The following KIAA0930 variants were observed in gnomAD, a reference collection of about 807,000 sequenced individuals.
KIAA0930 encodes the protein uncharacterized protein KIAA0930.
In KIAA0930, 24 loss-of-function variants were observed where a neutral mutation model predicts 43.9. The observed-to-expected ratio is 0.55, with a 90% CI of 0.40 to 0.77. The LOEUF (loss-of-function observed/expected upper bound fraction) is 0.77, where lower values mean the gene tolerates loss of function less well. KIAA0930 is among the 30% of genes least tolerant of loss of function. KIAA0930 has a pLI of 0.00. For missense variants in KIAA0930, 461 were observed against 574.2 expected (o/e 0.80, Z 2.02); for synonymous variants, 259 against 216.4 (o/e 1.20, Z -1.73).
Position 45,206,565 on chromosome 22 carries a change from T to C in KIAA0930, c.217-653A>G, listed in dbSNP as rs190078471. The stretch of plus-strand genomic sequence containing the variant: ...ACATTTTACAAATTATTAATCCTTT[T>C]AAAGCAACCCTGCAATGCAGGTATC... On this transcript the variant is annotated intron_variant, in intron 2 of 9. Coordinates refer to ENST00000336156, the MANE Select transcript of KIAA0930 (RefSeq NM_001009880.2). 4.6e-5 allele frequency among the ~76,000 whole-genome samples: 7 copies of C among 152,324 alleles called. No individual in the cohort carries two copies. In the East Asian group the frequency reaches 1.3e-3, roughly 29 times the overall value.
At chr22:45,240,093 T>C (rs569699594) in intron 1 of KIAA0930, among the ~76,000 whole-genome samples, 4 of 151,092 alleles carry the variant, frequency 2.6e-5, no homozygotes, top group South Asian at 4.2e-4. Context: ...CGGGGGGCCA[T>C]TGCCCAACAG....
chr22:45,194,103 T>C lies in KIAA0930; in HGVS notation c.*3073A>G, dbSNP rs1403876343. ...TTTTTTTTTTTTTTGAGACAGAGTTTCGCTCTCGTTGCCCAGGCTAGAATG... is the reference window on the plus strand; with the variant it reads ...TTTTTTTTTTTTTTGAGACAGAGTTCCGCTCTCGTTGCCCAGGCTAGAATG... On this transcript the variant is annotated 3_prime_UTR_variant, in exon 10 of 10. Coordinates refer to ENST00000336156, the MANE Select transcript of KIAA0930 (RefSeq NM_001009880.2). 1 of 131,450 alleles carries C rather than the reference T, an allele frequency of 7.6e-6. No homozygotes were observed. Among genetic ancestry groups the C allele is most frequent in the Non-Finnish European group, 1.6e-5 (1 of 63,676 alleles). 8.1% of individuals were successfully genotyped at this position (131,450 alleles called of 1,614,324 possible).
intron 8 of KIAA0930, among the ~76,000 whole-genome samples, chr22:45,199,243 C>CGAG (rs1367173673): frequency 2.0e-5 from 3 of 152,172 alleles, no homozygotes; most frequent in Non-Finnish European, 4.4e-5. Context: ...GGTCACTGAG[C>CGAG]GAGGACAGGG....
In KIAA0930 at chr22:45,205,332, G is replaced by T. The variant is rs1222895186; in HGVS notation, c.415-14C>A. On this transcript the variant is annotated splice_polypyrimidine_tract_variant and intron_variant, in intron 4 of 9. Transcript: ENST00000336156. ...CGCGAACACTTGCTGGAAGAAAGCAGATTTGGAGGACAAGTGAGGCCCCAC... is the reference window on the plus strand; with the variant it reads ...CGCGAACACTTGCTGGAAGAAAGCATATTTGGAGGACAAGTGAGGCCCCAC... 3.7e-6 allele frequency: 6 copies of T among 1,609,652 alleles called. No individual in the cohort carries two copies. The highest frequency in any genetic ancestry group is 5.1e-6 in the Non-Finnish European group (6 of 1,175,996).
At chr22:45,203,805 C>CG (rs1569073379) in intron 6 of KIAA0930, 40 bp downstream of exon 6, 1 of 1,603,458 alleles carries the variant, frequency 6.2e-7, no homozygotes, top group Non-Finnish European at 8.5e-7. Flanking sequence ...CCGCCGTCCC[C>CG]GGGCCCAGAA....
Position 45,218,333 on chromosome 22 carries a change from A to ATTTTTTTTTT in KIAA0930, c.65-6236_65-6227dup, listed in dbSNP as rs752298111. On this transcript the variant is annotated intron_variant, in intron 1 of 9. Coordinates refer to ENST00000336156, the MANE Select transcript of KIAA0930 (RefSeq NM_001009880.2). ...CCATCACACCCAGCTAATTTTTTTG[A>ATTTTTTTTTT]TTTTTTTTTTTTTTTTTTTTTTTTT... 9.1e-4 allele frequency among the ~76,000 whole-genome samples: 47 copies of ATTTTTTTTTT among 51,704 alleles called. 1 individual carries two copies. Among genetic ancestry groups the ATTTTTTTTTT allele is most frequent in the Non-Finnish European group, 1.2e-3 (36 of 30,138 alleles). 33.9% of individuals were successfully genotyped at this position (51,704 alleles called of 152,430 possible).
At chr22:45,199,039 C>T (rs904300681) in intron 8 of KIAA0930, among the ~76,000 whole-genome samples, 5 of 152,302 alleles carry the variant, frequency 3.3e-5, no homozygotes, top group African/African-American at 7.2e-5. Flanking sequence ...GAGGAAGGCA[C>T]GTGGTCCATG....
At position 45,197,234 on chromosome 22, in the gene KIAA0930, G is replaced by A. The variant is rs369151302; in HGVS notation, c.1175-18C>T. 6 of 1,549,146 alleles carry A rather than the reference G, an allele frequency of 3.9e-6. No individual in the cohort carries two copies. The highest frequency in any genetic ancestry group is 3.6e-5 in the South Asian group (3 of 83,694). On this transcript the variant is annotated intron_variant, in intron 9 of 9. Coordinates refer to ENST00000336156, the MANE Select transcript of KIAA0930 (RefSeq NM_001009880.2). ...CAGGATGTCTAGGGCCGGCAGGAGG[G>A]AAGCAGGTGAAACAGTAACCCTCAA...
At chr22:45,233,858 C>T (rs2147767443) in intron 1 of KIAA0930, among the ~76,000 whole-genome samples, 1 of 152,328 alleles carries the variant, frequency 6.6e-6, no homozygotes, top group East Asian at 1.9e-4. Flanking sequence ...GTATTGTTTA[C>T]AAGTCCCGCT....
At position 45,192,379 on chromosome 22, in the gene KIAA0930, A is replaced by G. The variant is rs1277332133; in HGVS notation, c.*4797T>C. 6.6e-6 allele frequency: 1 copy of G among 152,260 alleles called. No individual in the cohort carries two copies. The highest frequency in any genetic ancestry group is 1.5e-5 in the Non-Finnish European group (1 of 68,054). The allele number at this position is 152,260 out of a possible 1,614,324, so 9.4% of individuals were successfully genotyped here. ...CCACTGGATGTGGAAGAGGGTTAATAAAGACGCTGTTGGTAACGCGTACAG... is the reference window on the plus strand; with the variant it reads ...CCACTGGATGTGGAAGAGGGTTAATGAAGACGCTGTTGGTAACGCGTACAG... On this transcript the variant is annotated 3_prime_UTR_variant, in exon 10 of 10. Coordinates refer to ENST00000336156, the MANE Select transcript of KIAA0930 (RefSeq NM_001009880.2).
rs2083532064 is a variant in KIAA0930 at position 45,195,928 on chromosome 22, G to C, written c.*1248C>G. 6.6e-6 allele frequency: 1 copy of C among 152,296 alleles called. No individual in the cohort carries two copies. The highest frequency in any genetic ancestry group is 2.1e-4 in the South Asian group (1 of 4,828). 9.4% of individuals were successfully genotyped at this position (152,296 alleles called of 1,614,324 possible). A position where few individuals can be genotyped will look rare whatever the true frequency, so the allele number is the denominator to read the frequency against. On this transcript the variant is annotated 3_prime_UTR_variant, in exon 10 of 10. Transcript: ENST00000336156. The stretch of plus-strand genomic sequence containing the variant: ...GAGCCCAAAGAATAAACAGATGGGA[G>C]AACAAGACCCTCCTCTTCCTTTTCC...
rs1179123635 is a variant in KIAA0930, at chr22:45,194,346, A to G, written c.*2830T>C. The G allele has an allele frequency of 6.6e-6, 1 of 151,858 alleles. No individual in the cohort carries two copies. The highest frequency in any genetic ancestry group is 2.0e-4 in the East Asian group (1 of 5,128). The allele number at this position is 151,858 out of a possible 1,614,324, so 9.4% of individuals were successfully genotyped here. On this transcript the variant is annotated 3_prime_UTR_variant, in exon 10 of 10. Transcript: ENST00000336156. ...CATCTCAGCCTCCCAAAGTGCTGGG[A>G]TTACAGGCGTGAGCCACTGCGCCCA...
rs528501518 is a variant in KIAA0930 at position 45,234,939 on chromosome 22, G to C, written c.64+5701C>G. ...TTTGCAAAGTTAATGGTGTGTCTCTGGGTAATTGGAACTAGGCATAATTGT... is the reference window on the plus strand; with the variant it reads ...TTTGCAAAGTTAATGGTGTGTCTCTCGGTAATTGGAACTAGGCATAATTGT... On this transcript the variant is annotated intron_variant, in intron 1 of 9. Transcript: ENST00000336156. Among the ~76,000 whole-genome samples the C allele has an allele frequency of 2.6e-5, 4 of 152,298 alleles. No homozygotes were observed. The South Asian group carries it at 8.3e-4, about 32-fold the overall frequency.
rs186721890 is a variant in KIAA0930 at position 45,200,082 on chromosome 22, C to T, written c.853-47G>A. 451 of 1,524,402 alleles carry T rather than the reference C, an allele frequency of 3.0e-4. 1 individual carries two copies. The African/African-American group carries it at 5.7e-3, about 19-fold the overall frequency. 94.4% of individuals were successfully genotyped at this position (1,524,402 alleles called of 1,614,324 possible). A position where few individuals can be genotyped will look rare whatever the true frequency, so the allele number is the denominator to read the frequency against. On this transcript the variant is annotated intron_variant, in intron 7 of 9. Coordinates refer to ENST00000336156, the MANE Select transcript of KIAA0930 (RefSeq NM_001009880.2). ...CACCAGAGTAGCAGAACAGCCCCCT[C>T]CCCGGGGGTCCCAACGCCCCTCCTA...
chr22:45,232,927 C>T (rs1208198549), intron 1 of KIAA0930, among the ~76,000 whole-genome samples: 1 of 152,086 alleles, frequency 6.6e-6, no homozygotes, highest in Non-Finnish European at 1.5e-5. Flanking sequence ...AGGAAGGGAC[C>T]CCGTGGAGTG....
chr22:45,214,489 A>T (rs1278674752), intron 1 of KIAA0930, among the ~76,000 whole-genome samples: 1 of 152,248 alleles, frequency 6.6e-6, no homozygotes, highest in Non-Finnish European at 1.5e-5. Context: ...TTACTGTATG[A>T]TCACATTCAC....
Position 45,225,773 on chromosome 22 carries a change from G to A in KIAA0930, c.65-13666C>T, listed in dbSNP as rs928692731. Among the ~76,000 whole-genome samples the A allele has an allele frequency of 5.3e-5, 8 of 152,214 alleles. No individual in the cohort carries two copies. The South Asian group carries it at 1.0e-3, about 20-fold the overall frequency. ...CAGCTGGGGCCCTGCAAGACATCCC[G>A]AGTGCTGCCCGTGCCCACGTGCACC... On this transcript the variant is annotated intron_variant, in intron 1 of 9. Transcript: ENST00000336156.
chr22:45,223,651 CTAAGCCAGCACCCAGGGTCAGCAT>C (rs1200139966), intron 1 of KIAA0930, among the ~76,000 whole-genome samples: 68 of 148,088 alleles, frequency 4.6e-4, no homozygotes, highest in South Asian at 4.4e-3. Context: ...AAGGTCAGCA[CTAAGCCAGCACCCAGGGTCAGCAT>C]TAAGCCAGCA....
intron 4 of KIAA0930, 138 bp downstream of exon 4, chr22:45,205,492 C>T: frequency 1.1e-6 from 1 of 915,718 alleles, no homozygotes; most frequent in East Asian, 2.5e-5. Flanking sequence ...GATACGGGAT[C>T]CCAGGAGCTG....
Sources: gnomAD v4.1 joint callset for allele counts (sites outside exome capture counted in the v4.1 genomes callset) on GRCh38, gnomAD v4.1.1 for gene constraint, MANE v1.5 for transcripts, NCBI Gene and HGNC (gene_info 2026-07-23, HGNC 2026-07-21) for gene names.